The following IKZF2 variants were observed in gnomAD, a reference collection of about 807,000 sequenced individuals.
IKZF2 encodes IKAROS family zinc finger 2, also known as zinc finger protein Helios.
Under a neutral mutation model 49.2 loss-of-function variants are expected in IKZF2, and 15 were observed. That is an observed-to-expected ratio of 0.30 (90% CI 0.20 to 0.47). The LOEUF is 0.47. Ranked by LOEUF, IKZF2 falls within the 20% of genes least tolerant of loss-of-function variation. The probability of loss-of-function intolerance (pLI) is 1.00; values close to 1 mark genes in which losing one functional copy is unlikely to be tolerated. For missense variants in IKZF2, 567 were observed against 664.6 expected (o/e 0.85, Z 1.61); for synonymous variants, 227 against 221.4 (o/e 1.03, Z -0.23).
intron 4 of IKZF2, among the ~76,000 whole-genome samples, chr2:213,146,245 A>G (rs546773334): frequency 1.5e-4 from 23 of 152,238 alleles, no homozygotes; most frequent in Admixed American, 1.4e-3. Context: ...AGTATATTGA[A>G]ATGTAAAAAT....
chr2:213,083,384 C>CT (rs753296985), intron 4 of IKZF2, among the ~76,000 whole-genome samples: 5,457 of 79,936 alleles, frequency 0.068, 632 homozygotes, highest in African/African-American at 0.23. Flanking sequence ...GACGGCGAAC[C>CT]TTTTTTTTTT....
At chr2:213,090,632 C>A (rs567636378) in intron 4 of IKZF2, among the ~76,000 whole-genome samples, 2 of 152,122 alleles carry the variant, frequency 1.3e-5, no homozygotes, top group Non-Finnish European at 2.9e-5. Flanking sequence ...AAGATGAAGT[C>A]GTACTAGAGT....
intron 4 of IKZF2, among the ~76,000 whole-genome samples, chr2:213,059,307 CTT>C: frequency 6.6e-6 from 1 of 151,612 alleles, no homozygotes; most frequent in Non-Finnish European, 1.5e-5. Context: ...TGGTTTATCT[CTT>C]TACTCAAGGG....
rs1574455134 is a variant in IKZF2 at position 213,006,453 on chromosome 2, T to C, written c.*907A>G. On this transcript the variant is annotated 3_prime_UTR_variant, in exon 9 of 9. Coordinates refer to ENST00000434687, the MANE Select transcript of IKZF2 (RefSeq NM_001387220.1). ...GCATACTTTTAGAAACAAATACATA[T>C]ACTATGCTGCCATCACATTACAACT... 6.6e-6 allele frequency: 1 copy of C among 152,518 alleles called. No individual in the cohort carries two copies. The highest frequency in any genetic ancestry group is 1.5e-5 in the Non-Finnish European group (1 of 67,984). The allele number at this position is 152,518 out of a possible 1,614,324, so 9.4% of individuals were successfully genotyped here. A position where few individuals can be genotyped will look rare whatever the true frequency, so the allele number is the denominator to read the frequency against.
intron 5 of IKZF2, among the ~76,000 whole-genome samples, chr2:213,055,939 T>C (rs1701109864): frequency 6.6e-6 from 1 of 152,154 alleles, no homozygotes; most frequent in Non-Finnish European, 1.5e-5. Context: ...TATTTTACTG[T>C]ACACTACACT....
At chr2:213,110,995 C>T (rs1479278467) in intron 4 of IKZF2, among the ~76,000 whole-genome samples, 1 of 151,948 alleles carries the variant, frequency 6.6e-6, no homozygotes, top group Non-Finnish European at 1.5e-5. Context: ...TCAGGAATTA[C>T]TAGGAGCTGT....
chr2:213,060,320 T>TTA (rs975848709), intron 4 of IKZF2, among the ~76,000 whole-genome samples: 47 of 151,018 alleles, frequency 3.1e-4, no homozygotes, highest in Middle Eastern at 3.4e-3. Flanking sequence ...AAATTATAAC[T>TTA]TATATATATA....
At chr2:213,125,598 T>C (rs2060232954) in intron 4 of IKZF2, among the ~76,000 whole-genome samples, 1 of 152,192 alleles carries the variant, frequency 6.6e-6, no homozygotes, top group Non-Finnish European at 1.5e-5. Context: ...TCTACTAAAA[T>C]ATTCATTGCA....
At chr2:213,051,494 T>C (rs995346392) in intron 5 of IKZF2, among the ~76,000 whole-genome samples, 2 of 151,972 alleles carry the variant, frequency 1.3e-5, no homozygotes, top group African/African-American at 2.4e-5. Context: ...GGTATCTTCT[T>C]AGTTTGATTA....
At chr2:213,045,346 T>C (rs902225203) in intron 6 of IKZF2, among the ~76,000 whole-genome samples, 10 of 152,242 alleles carry the variant, frequency 6.6e-5, no homozygotes, top group Admixed American at 5.9e-4. Flanking sequence ...CCACTGACAC[T>C]AGGTATGAAG....
At chr2:213,029,867 C>A (rs1275374573) in intron 6 of IKZF2, among the ~76,000 whole-genome samples, 1 of 151,894 alleles carries the variant, frequency 6.6e-6, no homozygotes, top group Admixed American at 6.6e-5. Context: ...CACAATGAAC[C>A]AAGAAAGTTT....
chr2:213,068,488 A>G (rs961166359), intron 4 of IKZF2, among the ~76,000 whole-genome samples: 1 of 152,074 alleles, frequency 6.6e-6, no homozygotes, highest in African/African-American at 2.4e-5. Context: ...GGTCCCTTCA[A>G]TCTATGGTAT....
chr2:213,046,727 C>G (rs907192027), intron 6 of IKZF2, among the ~76,000 whole-genome samples: 1 of 152,092 alleles, frequency 6.6e-6, no homozygotes, highest in African/African-American at 2.4e-5. Flanking sequence ...AGAATTGGTA[C>G]AAAATGTAAT....
chr2:213,056,193 G>A (rs3768790), intron 5 of IKZF2, among the ~76,000 whole-genome samples: 11,582 of 152,070 alleles, frequency 0.076, 680 homozygotes, highest in South Asian at 0.28. Flanking sequence ...GAATTAATCT[G>A]TGGGCTTTTT....
At chr2:213,055,036 A>G (rs1244762059) in intron 5 of IKZF2, among the ~76,000 whole-genome samples, 2 of 152,090 alleles carry the variant, frequency 1.3e-5, no homozygotes, top group Non-Finnish European at 2.9e-5. Context: ...AATTTTCTTA[A>G]TTCAGAACAT....
At chr2:213,048,626 GGAAA>G (rs1170080604) in intron 6 of IKZF2, among the ~76,000 whole-genome samples, 8 of 151,936 alleles carry the variant, frequency 5.3e-5, no homozygotes, top group African/African-American at 1.9e-4. Flanking sequence ...AACTCAGGGA[GGAAA>G]GAAAAATATA....
intron 4 of IKZF2, among the ~76,000 whole-genome samples, chr2:213,120,026 ATC>A (rs2060001761): frequency 6.6e-6 from 1 of 152,102 alleles, no homozygotes; most frequent in Admixed American, 6.5e-5. Flanking sequence ...AGCCAACTCC[ATC>A]TCTCTTTCTT....
chr2:213,070,659 G>A (rs977105903), intron 4 of IKZF2, among the ~76,000 whole-genome samples: 1 of 152,074 alleles, frequency 6.6e-6, no homozygotes, highest in African/African-American at 2.4e-5. Flanking sequence ...AGTCTGGTTG[G>A]GGATACAGAC....
chr2:213,055,875 T>C (rs1307819101), intron 5 of IKZF2, among the ~76,000 whole-genome samples: 1 of 152,158 alleles, frequency 6.6e-6, no homozygotes, highest in Non-Finnish European at 1.5e-5. Flanking sequence ...TTATTGTGAT[T>C]TATATTTCTT....
Sources: allele counts gnomAD v4.1 joint callset (sites outside exome capture counted in the v4.1 genomes callset), GRCh38; gene constraint gnomAD v4.1.1; transcripts MANE v1.5; gene names NCBI Gene and HGNC (gene_info 2026-07-23, HGNC 2026-07-21).